Variants in TAOK1 observed in about 807,000 individuals in gnomAD.
TAOK1 encodes the protein serine/threonine-protein kinase TAO1.
Under a neutral mutation model 138.3 loss-of-function variants are expected in TAOK1, and 21 were observed. The ratio of observed to expected loss-of-function variants is 0.15; its 90% CI spans 0.11 to 0.22. The LOEUF (loss-of-function observed/expected upper bound fraction) is 0.22, where lower values mean the gene tolerates loss of function less well. TAOK1 is among the 10% of genes least tolerant of loss of function. TAOK1 has a pLI of 1.00. For synonymous variants in TAOK1, 361 were observed against 398.4 expected, an observed-to-expected ratio of 0.91 and a Z score of 1.12; for missense variants, 651 against 1,227.7, an observed-to-expected ratio of 0.53 and a Z score of 7.02.
chr17:29,422,223 A>G lies in TAOK1; in HGVS notation c.-94-29232A>G, dbSNP rs528878458. Among the ~76,000 whole-genome samples, 232 of 117,856 alleles carry G rather than the reference A, an allele frequency of 2.0e-3. 1 individual carries two copies. Among genetic ancestry groups the G allele is most frequent in the African/African-American group, 7.0e-3 (211 of 30,050 alleles). 77.3% of individuals were successfully genotyped at this position (117,856 alleles called of 152,430 possible). A position where few individuals can be genotyped will look rare whatever the true frequency, so the allele number is the denominator to read the frequency against. ...ATCCTTTTTTTTAATTTATTTTTTG[A>G]GATGGAGTCTCGCTCTGTCGCCCAG... On this transcript the variant is annotated intron_variant, in intron 1 of 19. Transcript: ENST00000261716.
Position 29,446,825 on chromosome 17 carries a change from G to A in TAOK1, c.-94-4630G>A, listed in dbSNP as rs1004409104. ...ACAATCTCAGCTCACTGCAGCCTCC[G>A]CCTCCCAGGTTCAAGCGATTCTCCT... On this transcript the variant is annotated intron_variant, in intron 1 of 19. Transcript: ENST00000261716. Among the ~76,000 whole-genome samples, 5 of 145,932 alleles carry A rather than the reference G, an allele frequency of 3.4e-5. No individual in the cohort carries two copies. In the South Asian group the frequency reaches 8.7e-4, roughly 25 times the overall value.
At position 29,543,245 on chromosome 17, in the gene TAOK1, G is replaced by A. The variant is rs932039111; in HGVS notation, c.*223G>A. The A allele has an allele frequency of 6.9e-6, 3 of 434,444 alleles. No individual in the cohort carries two copies. Among genetic ancestry groups the A allele is most frequent in the African/African-American group, 3.9e-5 (2 of 51,076 alleles). 26.9% of individuals were successfully genotyped at this position (434,444 alleles called of 1,614,324 possible). On this transcript the variant is annotated 3_prime_UTR_variant, in exon 20 of 20. Coordinates refer to ENST00000261716, the MANE Select transcript of TAOK1 (RefSeq NM_020791.4). ...TTTGTTTTTGGGGAAATTTTGAAAA[G>A]TGGAGTTGATATTAAAAATAAATGT... is the stretch of plus-strand genomic sequence containing the variant.
chr17:29,397,680 T>TGTATTCATGTATG (rs1567706761), intron 1 of TAOK1, among the ~76,000 whole-genome samples: 4 of 143,754 alleles, frequency 2.8e-5, no homozygotes, highest in African/African-American at 7.8e-5. Context: ...TGTATACATG[T>TGTATTCATGTATG]ATACATGTAT....
chr17:29,496,889 A>G (rs2031426067), intron 11 of TAOK1, among the ~76,000 whole-genome samples: 1 of 151,956 alleles, frequency 6.6e-6, no homozygotes, highest in South Asian at 2.1e-4. Context: ...CCTGGCCTAC[A>G]CTGTTCTAAA....
intron 2 of TAOK1, among the ~76,000 whole-genome samples, chr17:29,465,128 A>ATTTTTTTTTTT (rs57794003): frequency 3.2e-5 from 2 of 63,100 alleles, no homozygotes; most frequent in African/African-American, 6.8e-5. Context: ...GTCTTATTTA[A>ATTTTTTTTTTT]TTTTTTTTTT....
rs567346851 is a variant in TAOK1, at chr17:29,484,691, G to A, written c.655+2403G>A. On this transcript the variant is annotated intron_variant, in intron 8 of 19. Coordinates refer to ENST00000261716, the MANE Select transcript of TAOK1 (RefSeq NM_020791.4). ...ACAATCTTGGCTCACTGCAACCTCC[G>A]CCTCCTGGGTTCAAGGGATTCTCCT... Among the ~76,000 whole-genome samples, 11 of 151,998 alleles carry A rather than the reference G, an allele frequency of 7.2e-5. No individual in the cohort carries two copies. In the South Asian group the frequency reaches 1.5e-3, roughly 20 times the overall value.
chr17:29,471,000 C>G (rs2030800773), intron 3 of TAOK1, among the ~76,000 whole-genome samples: 1 of 152,032 alleles, frequency 6.6e-6, no homozygotes, highest in Non-Finnish European at 1.5e-5. Flanking sequence ...TTGCAGGTGC[C>G]TGTAATTCCA....
At chr17:29,413,753 G>A (rs114122273) in intron 1 of TAOK1, among the ~76,000 whole-genome samples, 1,995 of 152,012 alleles carry the variant, frequency 0.013, 44 homozygotes, top group African/African-American at 0.045. Context: ...GCAGTTGCTC[G>A]CTATTTTCCT....
chr17:29,529,736 C>T (rs956795181), intron 17 of TAOK1, among the ~76,000 whole-genome samples: 16 of 152,002 alleles, frequency 1.1e-4, no homozygotes, highest in African/African-American at 3.9e-4. Flanking sequence ...CATGGTGGCA[C>T]ATGCCTGTAA....
At chr17:29,517,721 A>G (rs1378551774) in intron 16 of TAOK1, 65 bp downstream of exon 16, 10 of 1,470,336 alleles carry the variant, frequency 6.8e-6, no homozygotes, top group Non-Finnish European at 9.2e-6. Context: ...AAATATTCCA[A>G]TTCCATTCTA....
chr17:29,414,995 G>A (rs1905235055), intron 1 of TAOK1, among the ~76,000 whole-genome samples: 1 of 151,386 alleles, frequency 6.6e-6, no homozygotes, highest in Non-Finnish European at 1.5e-5. Context: ...ACGGAATTTC[G>A]CTCTGTTGCC....
chr17:29,437,384 G>A (rs1906067782), intron 1 of TAOK1, among the ~76,000 whole-genome samples: 1 of 151,952 alleles, frequency 6.6e-6, no homozygotes, highest in African/African-American at 2.4e-5. Context: ...TTTTAGTAGA[G>A]ATGGGGTTTC....
chr17:29,498,560 G>A (rs1224577818), intron 12 of TAOK1, 39 bp downstream of exon 12: 1 of 1,599,390 alleles, frequency 6.3e-7, no homozygotes, highest in South Asian at 1.1e-5. Flanking sequence ...TTCAATGTTG[G>A]TAAACTGTTT....
intron 19 of TAOK1, among the ~76,000 whole-genome samples, chr17:29,542,169 G>T (rs1317696138): frequency 6.6e-6 from 1 of 152,108 alleles, no homozygotes; most frequent in Non-Finnish European, 1.5e-5. Context: ...GAGCCACCGC[G>T]CCCGGCCTTG....
rs969320637 is a variant in TAOK1, at chr17:29,550,511, T to A, written c.*7489T>A. 1 of 152,206 alleles carries A rather than the reference T, an allele frequency of 6.6e-6. No homozygotes were observed. The highest frequency in any genetic ancestry group is 1.5e-5 in the Non-Finnish European group (1 of 68,024). 9.4% of individuals were successfully genotyped at this position (152,206 alleles called of 1,614,324 possible). A position where few individuals can be genotyped will look rare whatever the true frequency, so the allele number is the denominator to read the frequency against. Reference sequence around the variant, plus strand: ...TGTTTTAGTATATGAAAAAGCCTAATGCGCATTAATGAGGTTGAAGAGACT... The same window carrying A: ...TGTTTTAGTATATGAAAAAGCCTAAAGCGCATTAATGAGGTTGAAGAGACT... On this transcript the variant is annotated 3_prime_UTR_variant, in exon 20 of 20. Transcript: ENST00000261716.
At chr17:29,451,725 G>A (rs1259208741) in intron 2 of TAOK1, 45 bp downstream of exon 2, 3 of 1,593,690 alleles carry the variant, frequency 1.9e-6, no homozygotes, top group Non-Finnish European at 2.6e-6. Flanking sequence ...TTTACTTAAT[G>A]TCCACTCCTG....
intron 1 of TAOK1, among the ~76,000 whole-genome samples, chr17:29,436,588 CTG>C (rs1906037077): frequency 6.6e-6 from 1 of 152,196 alleles, no homozygotes; most frequent in South Asian, 2.1e-4. Context: ...CAACAAACAT[CTG>C]TGAATAGCCA....
intron 10 of TAOK1, among the ~76,000 whole-genome samples, chr17:29,494,859 A>G (rs960360120): frequency 1.3e-5 from 2 of 151,062 alleles, no homozygotes; most frequent in East Asian, 1.9e-4. Context: ...GAATTCAAGG[A>G]TATTTCGTAG....
chr17:29,466,437 C>T (rs1403020519), intron 2 of TAOK1, among the ~76,000 whole-genome samples: 6 of 152,154 alleles, frequency 3.9e-5, no homozygotes, highest in African/African-American at 1.4e-4. Flanking sequence ...AGCCACCACG[C>T]CCAGCCTGTA....
Sources: gnomAD v4.1 joint callset for allele counts (sites outside exome capture counted in the v4.1 genomes callset) on GRCh38, gnomAD v4.1.1 for gene constraint, MANE v1.5 for transcripts, NCBI Gene and HGNC (gene_info 2026-07-23, HGNC 2026-07-21) for gene names.